The following BICD1 variants were observed in gnomAD, a reference collection of about 807,000 sequenced individuals.
BICD1 encodes the protein protein bicaudal D homolog 1.
Under a neutral mutation model 92.5 loss-of-function variants are expected in BICD1, and 35 were observed. That is an observed-to-expected ratio of 0.38 (90% confidence interval 0.29 to 0.50). The LOEUF (loss-of-function observed/expected upper bound fraction) is 0.50, where lower values mean the gene tolerates loss of function less well. BICD1 is among the 20% of genes least tolerant of loss of function. The pLI, the probability that BICD1 is intolerant of heterozygous loss-of-function variation, is 0.93. For synonymous variants in BICD1, 429 were observed against 465.1 expected (o/e 0.92, Z 1.00); for missense variants, 950 against 1,189.8 (o/e 0.80, Z 2.97).
intron 2 of BICD1, among the ~76,000 whole-genome samples, chr12:32,226,329 T>C (rs983376401): frequency 7.9e-5 from 12 of 152,112 alleles, no homozygotes; most frequent in Non-Finnish European, 7.4e-5. Context: ...GAGACAGGGT[T>C]TCACCATGTT....
intron 5 of BICD1, among the ~76,000 whole-genome samples, chr12:32,331,335 T>C (rs183072767): frequency 2.0e-5 from 3 of 152,304 alleles, no homozygotes; most frequent in Admixed American, 1.3e-4. Context: ...ACAGGACTTA[T>C]CAAGCACTTT....
chr12:32,234,168 G>C (rs7962525), intron 2 of BICD1, among the ~76,000 whole-genome samples: 18,100 of 152,130 alleles, frequency 0.12, 1,715 homozygotes, highest in African/African-American at 0.26. Flanking sequence ...GAACACTATG[G>C]ATCTCATAAG....
At chr12:32,351,215 G>C (rs569830118) in intron 8 of BICD1, among the ~76,000 whole-genome samples, 2 of 151,674 alleles carry the variant, frequency 1.3e-5, no homozygotes, top group African/African-American at 4.8e-5. Context: ...GCCAGGTGTG[G>C]TGGCTCACGC....
intron 1 of BICD1, among the ~76,000 whole-genome samples, chr12:32,161,769 A>G (rs748170710): frequency 6.6e-6 from 1 of 152,176 alleles, no homozygotes; most frequent in Non-Finnish European, 1.5e-5. Context: ...GCAGGGAAGT[A>G]TATATTTTAC....
At chr12:32,279,358 A>G (rs975933808) in intron 2 of BICD1, among the ~76,000 whole-genome samples, 1 of 152,218 alleles carries the variant, frequency 6.6e-6, no homozygotes, top group Non-Finnish European at 1.5e-5. Context: ...TATACTTTAA[A>G]TGAGAGAATT....
At chr12:32,141,954 G>T (rs1345989151) in intron 1 of BICD1, among the ~76,000 whole-genome samples, 2 of 152,090 alleles carry the variant, frequency 1.3e-5, no homozygotes, top group Admixed American at 1.3e-4. Context: ...GAATGTATGG[G>T]CTCAACCATA....
intron 2 of BICD1, among the ~76,000 whole-genome samples, chr12:32,269,317 A>G (rs557274357): frequency 1.3e-5 from 2 of 152,218 alleles, no homozygotes; most frequent in African/African-American, 2.4e-5. Flanking sequence ...TTAAAGTAAT[A>G]TGAATATTGT....
At chr12:32,142,443 ACCTATCTAT>A (rs1942962979) in intron 1 of BICD1, among the ~76,000 whole-genome samples, 1 of 65,110 alleles carries the variant, frequency 1.5e-5, no homozygotes. Flanking sequence ...AAAAAACCCC[ACCTATCTAT>A]CCTATCTATC....
At position 32,306,039 on chromosome 12, in the gene BICD1, GGA is replaced by G; in HGVS notation, c.926_927del (p.Glu309ValfsTer7). 6.2e-7 allele frequency: 1 copy of G among 1,614,128 alleles called. No individual in the cohort carries two copies. Among genetic ancestry groups the G allele is most frequent in the Non-Finnish European group, 8.5e-7 (1 of 1,180,018 alleles). On this transcript the variant is annotated frameshift_variant, in exon 4 of 10. Transcript: ENST00000652176. LOFTEE classifies it high-confidence loss of function. ...CTATCGGACTCCCACCTTAAGGAAA[GGA>G]GAGTCTCTGAACCCTGTCTCTGACT... ...GDYRTPTLRK[G>X]ESLNPVSDLF...
At position 32,326,216 on chromosome 12, in the gene BICD1, AAC is replaced by A. The variant is rs559348213; in HGVS notation, c.1006-1241_1006-1240del. On this transcript the variant is annotated intron_variant, in intron 4 of 9. Transcript: ENST00000652176. Reference sequence around the variant, plus strand: ...TTAAAAAGAAGAAGAAAGAAAAGAAAACACAAGTGCAGAAGGATATGAACACC... The same window carrying A: ...TTAAAAAGAAGAAGAAAGAAAAGAAAACAAGTGCAGAAGGATATGAACACC... 2.5e-3 allele frequency among the ~76,000 whole-genome samples: 382 copies of A among 152,266 alleles called. 3 individuals carry two copies. Among genetic ancestry groups the A allele is most frequent in the African/African-American group, 8.7e-3 (362 of 41,570 alleles).
intron 4 of BICD1, among the ~76,000 whole-genome samples, chr12:32,318,742 T>A (rs973062624): frequency 2.0e-5 from 3 of 152,082 alleles, no homozygotes; most frequent in Non-Finnish European, 4.4e-5. Context: ...TAATCCCAGC[T>A]ACTTGGGAGG....
At chr12:32,292,131 G>A (rs2136190476) in intron 2 of BICD1, among the ~76,000 whole-genome samples, 1 of 152,304 alleles carries the variant, frequency 6.6e-6, no homozygotes, top group Non-Finnish European at 1.5e-5. Context: ...CCAAAAGTCA[G>A]AAATCATGGT....
chr12:32,305,623 C>T, intron 3 of BICD1, 74 bp from the exon 4 acceptor site: 1 of 1,369,900 alleles, frequency 7.3e-7, no homozygotes, highest in South Asian at 1.5e-5. Context: ...ATTAGGTCCA[C>T]TAGAGTGTTT....
intron 1 of BICD1, among the ~76,000 whole-genome samples, chr12:32,168,831 G>A (rs1458263245): frequency 1.3e-5 from 2 of 152,240 alleles, no homozygotes; most frequent in Admixed American, 6.5e-5. Context: ...TGTTTGTGGC[G>A]GGTACCTGTA....
chr12:32,273,757 A>G (rs1384953685), intron 2 of BICD1, among the ~76,000 whole-genome samples: 1 of 152,232 alleles, frequency 6.6e-6, no homozygotes, highest in Non-Finnish European at 1.5e-5. Flanking sequence ...TTGTCACACA[A>G]CCGGAAAAGA....
chr12:32,195,074 T>C (rs533675859), intron 1 of BICD1, among the ~76,000 whole-genome samples: 1 of 124,720 alleles, frequency 8.0e-6, no homozygotes, highest in South Asian at 2.7e-4. Context: ...CTGCAGCCTG[T>C]GTGACAGAGT....
chr12:32,236,703 A>G (rs1030636303), intron 2 of BICD1, among the ~76,000 whole-genome samples: 1 of 152,150 alleles, frequency 6.6e-6, no homozygotes, highest in Non-Finnish European at 1.5e-5. Flanking sequence ...AAACAGCCAA[A>G]CTGTGAATGC....
At chr12:32,269,642 G>A (rs564460371) in intron 2 of BICD1, among the ~76,000 whole-genome samples, 20 of 152,154 alleles carry the variant, frequency 1.3e-4, no homozygotes, top group Non-Finnish European at 2.5e-4. Context: ...GAAATTTTAA[G>A]TTCTCTGGGT....
At chr12:32,148,137 G>A (rs1288622845) in intron 1 of BICD1, among the ~76,000 whole-genome samples, 4 of 530 alleles carry the variant, frequency 7.5e-3, no homozygotes, top group South Asian at 0.033. Context: ...GCGAGACTCC[G>A]TCTCCAAAAA....
Sources: allele counts gnomAD v4.1 joint callset (sites outside exome capture counted in the v4.1 genomes callset), GRCh38; gene constraint gnomAD v4.1.1; transcripts MANE v1.5; gene names NCBI Gene and HGNC (gene_info 2026-07-23, HGNC 2026-07-21).